GTF3C1: variants seen among roughly 807,000 people sequenced by gnomAD.
GTF3C1 encodes the protein general transcription factor 3C polypeptide 1.
Under a neutral mutation model 226.7 loss-of-function variants are expected in GTF3C1, and 57 were observed. The ratio of observed to expected loss-of-function variants is 0.25; its 90% CI spans 0.20 to 0.31. GTF3C1 has a LOEUF of 0.31. Ranked by LOEUF, GTF3C1 falls within the 10% of genes least tolerant of loss-of-function variation. The pLI is 1.00. For missense variants in GTF3C1, 2,217 were observed against 2,776.1 expected, an observed-to-expected ratio of 0.80 and a Z score of 4.53; for synonymous variants, 1,090 against 1,084.8, an observed-to-expected ratio of 1.00 and a Z score of -0.09.
At chr16:27,510,143 T>A (rs2088551547) in intron 7 of GTF3C1, among the ~76,000 whole-genome samples, 1 of 152,112 alleles carries the variant, frequency 6.6e-6, no homozygotes, top group Non-Finnish European at 1.5e-5. Context: ...CCCAGCACTT[T>A]AGGAGGCCGA....
At chr16:27,532,768 T>C (rs781591965) in intron 5 of GTF3C1, among the ~76,000 whole-genome samples, 3 of 152,130 alleles carry the variant, frequency 2.0e-5, no homozygotes, top group African/African-American at 4.8e-5. Flanking sequence ...TAATAGGTCC[T>C]AGAACGAACT....
intron 5 of GTF3C1, 93 bp from the exon 6 acceptor site, chr16:27,528,814 GAATT>G (rs2088871410): frequency 2.5e-6 from 3 of 1,196,712 alleles, no homozygotes; most frequent in East Asian, 2.3e-5. Context: ...TTCAGGACCT[GAATT>G]AATTGATTAT....
intron 12 of GTF3C1, 51 bp downstream of exon 12, chr16:27,501,140 A>C (rs747816632): frequency 6.6e-7 from 1 of 1,524,120 alleles, no homozygotes. Flanking sequence ...CTAGACAAAA[A>C]CTTCCAACAG....
chr16:27,475,131 G>A (rs1370075748), intron 29 of GTF3C1, among the ~76,000 whole-genome samples: 2 of 152,190 alleles, frequency 1.3e-5, no homozygotes, highest in African/African-American at 2.4e-5. Flanking sequence ...GCAGCGCCCC[G>A]CCAGGGTCAA....
intron 11 of GTF3C1, among the ~76,000 whole-genome samples, chr16:27,502,031 G>A (rs532287496): frequency 2.6e-5 from 4 of 151,760 alleles, no homozygotes; most frequent in South Asian, 4.2e-4. Flanking sequence ...GGAGGCAGAC[G>A]TTGCAGTGAG....
At chr16:27,506,821 C>T in intron 9 of GTF3C1, 26 bp downstream of exon 9, 4 of 1,556,602 alleles carry the variant, frequency 2.6e-6, no homozygotes, top group Non-Finnish European at 3.5e-6. Flanking sequence ...TGCACGCAGC[C>T]CCTGCCCACC....
intron 12 of GTF3C1, among the ~76,000 whole-genome samples, chr16:27,499,383 G>T (rs2088370836): frequency 6.6e-6 from 1 of 152,186 alleles, no homozygotes; most frequent in Non-Finnish European, 1.5e-5. Context: ...AGTGGGGCAG[G>T]GTGTGTGTGA....
At chr16:27,540,536 C>T (rs989171900) in intron 2 of GTF3C1, among the ~76,000 whole-genome samples, 5 of 152,146 alleles carry the variant, frequency 3.3e-5, no homozygotes, top group Non-Finnish European at 5.9e-5. Context: ...TCAATAACTC[C>T]GGCTAGTTTT....
At chr16:27,493,671 A>C (rs1216118965) in intron 16 of GTF3C1, among the ~76,000 whole-genome samples, 1 of 152,234 alleles carries the variant, frequency 6.6e-6, no homozygotes, top group African/African-American at 2.4e-5. Flanking sequence ...TACCCAAAGG[A>C]AAAAATGCTG....
chr16:27,538,244 C>G lies in GTF3C1; in HGVS notation c.544G>C (p.Glu182Gln). ...TGCCACCTGGACCGGCCTAGCCGTT[C>G]CAGGATGCAGTAGGAGAAGTCGGGC... Reference protein sequence around the residue: ...KLPDFSYCILERLGRSRWQGE... With the variant: ...KLPDFSYCILQRLGRSRWQGE... The change falls in exon 3 of 37, where the codon GAA becomes CAA. Residue 182 changes from glutamate to glutamine, a missense_variant. Transcript: ENST00000356183. The G allele has an allele frequency of 6.2e-7, 1 of 1,612,464 alleles. No homozygotes were observed. Among genetic ancestry groups the G allele is most frequent in the Non-Finnish European group, 8.5e-7 (1 of 1,178,570 alleles).
At chr16:27,510,108 G>A (rs992688105) in intron 7 of GTF3C1, among the ~76,000 whole-genome samples, 1 of 152,022 alleles carries the variant, frequency 6.6e-6, no homozygotes, top group Non-Finnish European at 1.5e-5. Context: ...AAATTAGTCC[G>A]GACGCTGTGG....
chr16:27,478,489 C>G lies in GTF3C1; in HGVS notation c.4239G>C (p.Arg1413Ser). 6.2e-7 allele frequency: 1 copy of G among 1,609,920 alleles called. No homozygotes were observed. Among genetic ancestry groups the G allele is most frequent in the African/African-American group, 1.3e-5 (1 of 74,948 alleles). ...LAIGDEKDQT[R>S]KEDELNSVDD... The stretch of plus-strand genomic sequence containing the variant: ...CTTACCTGTTAAGTTCATCCTCTTT[C>G]CTGGTTTGATCTTTTTCATCCCCAA... Residue 1413 changes from arginine to serine, a missense_variant, in exon 28 of 37, where the codon AGG becomes AGC. This residue lies in a region of GTF3C1 where 546 missense variants were observed against 663.0 expected (regional missense o/e 0.82). Transcript: ENST00000356183.
rs1779836985 is a variant in GTF3C1 at position 27,505,964 on chromosome 16, G to T, written c.1705C>A (p.His569Asn). 6.2e-7 allele frequency: 1 copy of T among 1,613,324 alleles called. No homozygotes were observed. Among genetic ancestry groups the T allele is most frequent in the Non-Finnish European group, 8.5e-7 (1 of 1,179,232 alleles). ...TCACCACTGTTGCTGTCCGCACAGT[G>T]GGAGACAAAGGACACGTTGGGTTCT... is the stretch of plus-strand genomic sequence containing the variant. ...VSEPNVSFVS[H>N]CADSNSGDIA... The change falls in exon 10 of 37, where the codon CAC becomes AAC. Residue 569 changes from histidine (H) to asparagine (N), a missense_variant. His to Asn is a moderately conservative substitution (Grantham distance 68). Coordinates refer to ENST00000356183, the MANE Select transcript of GTF3C1 (RefSeq NM_001520.4).
At chr16:27,548,187 TTCACA>T (rs1474202471) in intron 1 of GTF3C1, among the ~76,000 whole-genome samples, 1 of 152,244 alleles carries the variant, frequency 6.6e-6, no homozygotes, top group Non-Finnish European at 1.5e-5. Flanking sequence ...AGCCACTTAC[TTCACA>T]TTTGCTGTTC....
At chr16:27,547,489 G>A (rs1271108864) in intron 1 of GTF3C1, among the ~76,000 whole-genome samples, 2 of 151,794 alleles carry the variant, frequency 1.3e-5, no homozygotes, top group African/African-American at 4.8e-5. Flanking sequence ...ATGAGAATCA[G>A]GGTTCGCTCA....
chr16:27,469,281 G>A lies in GTF3C1; in HGVS notation c.5074+10C>T, dbSNP rs778761663. On this transcript the variant is annotated intron_variant, in intron 32 of 36. Coordinates refer to ENST00000356183, the MANE Select transcript of GTF3C1 (RefSeq NM_001520.4). This position sits in a 1 kb window ranked among gnomAD's most constrained non-coding sequence, Gnocchi z 4.5. ...CCAGGCCCTCCCACAGCACCAGCAG[G>A]AGCACTCACCAGCGGGCCTGAGCCG... The A allele has an allele frequency of 3.2e-6, 5 of 1,549,544 alleles. No individual in the cohort carries two copies. The highest frequency in any genetic ancestry group is 1.4e-5 in the African/African-American group (1 of 73,476).
At chr16:27,510,526 C>T (rs895526528) in intron 7 of GTF3C1, among the ~76,000 whole-genome samples, 3 of 152,158 alleles carry the variant, frequency 2.0e-5, no homozygotes, top group Admixed American at 6.5e-5. Context: ...TGCACTCCAG[C>T]CTGGGCGACA....
chr16:27,505,640 AC>A (rs1212037894), intron 10 of GTF3C1, among the ~76,000 whole-genome samples: 2 of 152,216 alleles, frequency 1.3e-5, no homozygotes, highest in African/African-American at 4.8e-5. Context: ...AATAAATCTA[AC>A]TGAAAAGAAT....
At chr16:27,525,273 T>C (rs896512438) in intron 6 of GTF3C1, among the ~76,000 whole-genome samples, 9 of 152,196 alleles carry the variant, frequency 5.9e-5, no homozygotes, top group East Asian at 1.9e-4. Flanking sequence ...GAGCCTTTTT[T>C]CTTCCTTGCC....
Sources: allele counts gnomAD v4.1 joint callset (sites outside exome capture counted in the v4.1 genomes callset), GRCh38; gene constraint gnomAD v4.1.1; regional missense constraint gnomAD v4.1.1; non-coding constraint Gnocchi (gnomAD v3.1); transcripts MANE v1.5; gene names NCBI Gene and HGNC (gene_info 2026-07-23, HGNC 2026-07-21).